The following ANKS1A variants were observed in gnomAD, a reference collection of about 807,000 sequenced individuals.
ANKS1A encodes ankyrin repeat and sterile alpha motif domain containing 1A.
In ANKS1A, 55 loss-of-function variants were observed where a neutral mutation model predicts 120.3. The ratio of observed to expected loss-of-function variants is 0.46; its 90% CI spans 0.37 to 0.57. The LOEUF (loss-of-function observed/expected upper bound fraction) is 0.57. Among genes scored for constraint, ANKS1A ranks in the 20% least tolerant of loss-of-function variants. The pLI, the probability that ANKS1A is intolerant of heterozygous loss-of-function variation, is 0.00. For synonymous variants in ANKS1A, 590 were observed against 604.7 expected (o/e 0.98, Z 0.36); for missense variants, 1,123 against 1,480.3 (o/e 0.76, Z 3.96).
At chr6:35,093,380 AC>A (rs1225315583), downstream of ANKS1A, among the ~76,000 whole-genome samples, 3 of 151,796 alleles carry the variant, frequency 2.0e-5, no homozygotes, top group Non-Finnish European at 3.0e-5. Context: ...AAACAAAAAA[AC>A]AAACAAAACT....
chr6:35,091,329 G>C lies in ANKS1A; in HGVS notation c.*2720G>C. 1 of 985,706 alleles carries C rather than the reference G, an allele frequency of 1.0e-6. No homozygotes were observed. The highest frequency in any genetic ancestry group is 4.7e-5 in the South Asian group (1 of 21,290). The allele number at this position is 985,706 out of a possible 1,614,324, so 61.1% of individuals were successfully genotyped here. A position where few individuals can be genotyped will look rare whatever the true frequency, so the allele number is the denominator to read the frequency against. On this transcript the variant is annotated 3_prime_UTR_variant, in exon 24 of 24. Transcript: ENST00000360359. The stretch of plus-strand genomic sequence containing the variant: ...GAGTGTAAATATTTCTGGGCTTCCA[G>C]CTTTGGTTTTGTTATTTTCATAACT...
At chr6:34,939,373 C>T (rs934130484) in intron 1 of ANKS1A, among the ~76,000 whole-genome samples, 2 of 152,192 alleles carry the variant, frequency 1.3e-5, no homozygotes, top group Non-Finnish European at 2.9e-5. Context: ...CTGTGTATTT[C>T]ATCAGGTTTG....
intron 13 of ANKS1A, among the ~76,000 whole-genome samples, chr6:35,075,415 C>CT (rs747359283): frequency 0.18 from 23,606 of 129,892 alleles, 2,864 homozygotes; most frequent in East Asian, 0.64. Flanking sequence ...GGTTAATTTT[C>CT]TTTTTTTTTT....
In ANKS1A at chr6:34,889,765, G is replaced by T. The variant is rs1319535283; in HGVS notation, c.197+166G>T. On this transcript the variant is annotated intron_variant, in intron 1 of 23. Coordinates refer to ENST00000360359, the MANE Select transcript of ANKS1A (RefSeq NM_015245.3). This position sits in a 1 kb window ranked among gnomAD's most constrained non-coding sequence, Gnocchi z 5.5. ...GGGCCAGGGTACCGGAGGGCGCGCAGGTCCGAGTCCACGCTGCTCCGGGCT... is the reference window on the plus strand; with the variant it reads ...GGGCCAGGGTACCGGAGGGCGCGCATGTCCGAGTCCACGCTGCTCCGGGCT... Among the ~76,000 whole-genome samples the T allele has an allele frequency of 1.3e-5, 2 of 151,998 alleles. No individual in the cohort carries two copies. Among genetic ancestry groups the T allele is most frequent in the African/African-American group, 4.8e-5 (2 of 41,404 alleles).
intron 12 of ANKS1A, 64 bp downstream of exon 12, chr6:35,054,229 C>A: frequency 6.7e-7 from 1 of 1,495,020 alleles, no homozygotes; most frequent in Non-Finnish European, 9.3e-7. Flanking sequence ...CTGGCTCAGG[C>A]TTTCCTCTAA....
intron 10 of ANKS1A, among the ~76,000 whole-genome samples, chr6:34,999,554 G>C (rs1773041951): frequency 6.6e-6 from 1 of 152,138 alleles, no homozygotes; most frequent in African/African-American, 2.4e-5. Context: ...TTTCAAGAAA[G>C]GATTTAAGGG....
intron 1 of ANKS1A, among the ~76,000 whole-genome samples, chr6:34,908,515 A>T (rs1255220632): frequency 1.3e-5 from 2 of 152,196 alleles, no homozygotes. Flanking sequence ...TCTAAGCCTG[A>T]GAGAGAGACA....
intron 1 of ANKS1A, among the ~76,000 whole-genome samples, chr6:34,916,599 T>C (rs1050408875): frequency 4.6e-5 from 7 of 152,280 alleles, no homozygotes; most frequent in African/African-American, 1.7e-4. Context: ...TTGCCAGATG[T>C]CTTATTTTAA....
chr6:34,959,970 A>T (rs1050618713), intron 1 of ANKS1A, among the ~76,000 whole-genome samples: 16 of 151,588 alleles, frequency 1.1e-4, no homozygotes, highest in African/African-American at 3.6e-4. Flanking sequence ...TCCGTTTTCT[A>T]CCCCTGGCAG....
chr6:34,953,489 T>C (rs1189794798), intron 1 of ANKS1A, among the ~76,000 whole-genome samples: 2 of 152,158 alleles, frequency 1.3e-5, no homozygotes, highest in Non-Finnish European at 2.9e-5. Context: ...GAAATGTCTG[T>C]TTTTTAAAAA....
rs1026629119 is a variant in ANKS1A, at chr6:35,084,826, C to T, written c.3132+568C>T. On this transcript the variant is annotated intron_variant, in intron 21 of 23. Coordinates refer to ENST00000360359, the MANE Select transcript of ANKS1A (RefSeq NM_015245.3). The surrounding 1 kb of genome is among the most constrained non-coding windows in gnomAD (Gnocchi z 4.8). ...GGCTCGGCTCTGGATGCCACTGGGC[C>T]GAGGAGAGTTCATTCTCACACAGCT... Among the ~76,000 whole-genome samples, 4 of 152,138 alleles carry T rather than the reference C, an allele frequency of 2.6e-5. No homozygotes were observed. The highest frequency in any genetic ancestry group is 2.1e-4 in the South Asian group (1 of 4,824).
intron 2 of ANKS1A, among the ~76,000 whole-genome samples, chr6:34,968,578 C>T (rs566566272): frequency 1.4e-4 from 21 of 152,268 alleles, no homozygotes; most frequent in African/African-American, 5.1e-4. Flanking sequence ...GCTGGGATTA[C>T]AGGCGCCCGC....
intron 1 of ANKS1A, among the ~76,000 whole-genome samples, chr6:34,946,097 C>T (rs1769779749): frequency 6.6e-6 from 1 of 151,726 alleles, no homozygotes; most frequent in Non-Finnish European, 1.5e-5. Flanking sequence ...TCTCCTGCCT[C>T]AGCCTCCTGA....
At chr6:35,003,311 C>T (rs769741803) in intron 10 of ANKS1A, among the ~76,000 whole-genome samples, 3 of 152,040 alleles carry the variant, frequency 2.0e-5, no homozygotes, top group African/African-American at 4.8e-5. Flanking sequence ...CTGATAAAAC[C>T]GGTCAAGCCT....
intron 11 of ANKS1A, among the ~76,000 whole-genome samples, chr6:35,030,766 A>T (rs1774869563): frequency 6.6e-6 from 1 of 152,192 alleles, no homozygotes; most frequent in South Asian, 2.1e-4. Flanking sequence ...ATAGTTGTTC[A>T]GATATTTGAA....
intron 11 of ANKS1A, among the ~76,000 whole-genome samples, chr6:35,030,125 T>C (rs1445243784): frequency 6.6e-6 from 1 of 152,214 alleles, no homozygotes; most frequent in Non-Finnish European, 1.5e-5. Context: ...AAGGATTGTA[T>C]TTAGAATATA....
Position 34,989,514 on chromosome 6 carries a change from C to A in ANKS1A, c.1302+198C>A, listed in dbSNP as rs540373434. ...TTTTAATATAGCTCTCGCAGACAGG[C>A]CCAGTATTGATCTGCCATACCACAC... is the stretch of plus-strand genomic sequence containing the variant. On this transcript the variant is annotated intron_variant, in intron 9 of 23. Coordinates refer to ENST00000360359, the MANE Select transcript of ANKS1A (RefSeq NM_015245.3). Among the ~76,000 whole-genome samples the A allele has an allele frequency of 7.2e-5, 11 of 152,302 alleles. No homozygotes were observed. The South Asian group carries it at 2.1e-3, about 29-fold the overall frequency.
Position 35,083,197 on chromosome 6 carries a change from T to A in ANKS1A, c.2878T>A (p.Ser960Thr). 1 of 1,614,128 alleles carries A rather than the reference T, an allele frequency of 6.2e-7. No individual in the cohort carries two copies. The highest frequency in any genetic ancestry group is 8.5e-7 in the Non-Finnish European group (1 of 1,180,010). ...MLIKDLRGTE[S>T]TQDACAKMRK... ...GATCAAAGATCTGCGAGGGACAGAA[T>A]CCACGCAAGACGCCTGTGCCAAGAT... Residue 960 changes from serine to threonine, a missense_variant, in exon 19 of 24, where the codon TCC becomes ACC. Physicochemically the swap from Ser to Thr is moderately conservative, Grantham distance 58. This residue lies in a region of ANKS1A where 904 missense variants were observed against 1,130.4 expected (regional missense o/e 0.80). Coordinates refer to ENST00000360359, the MANE Select transcript of ANKS1A (RefSeq NM_015245.3).
At chr6:34,962,874 T>C (rs991209900) in intron 1 of ANKS1A, among the ~76,000 whole-genome samples, 1 of 151,502 alleles carries the variant, frequency 6.6e-6, no homozygotes, top group East Asian at 1.9e-4. Flanking sequence ...TTTTTTTTTT[T>C]CTTTTGAGAT....
Sources: gnomAD v4.1 joint callset for allele counts (sites outside exome capture counted in the v4.1 genomes callset) on GRCh38, gnomAD v4.1.1 for gene constraint, gnomAD v4.1.1 regional missense constraint, Gnocchi (gnomAD v3.1) non-coding constraint, MANE v1.5 for transcripts, NCBI Gene and HGNC (gene_info 2026-07-23, HGNC 2026-07-21) for gene names.